SLC25A48: variants seen among roughly 807,000 people sequenced by gnomAD.
SLC25A48 encodes CTC-321K16.1.
A neutral mutation model predicts 32.2 loss-of-function variants in SLC25A48; 29 were observed. That is an observed-to-expected ratio of 0.90 (90% CI 0.67 to 1.23). SLC25A48 has a LOEUF of 1.23. Ranked by LOEUF, SLC25A48 falls within the 50% of genes most tolerant of loss-of-function variation. The pLI, the probability that SLC25A48 is intolerant of heterozygous loss-of-function variation, is 0.00. For synonymous variants in SLC25A48, 164 were observed against 172.3 expected, an observed-to-expected ratio of 0.95 and a Z score of 0.38; for missense variants, 399 against 422.7, an observed-to-expected ratio of 0.94 and a Z score of 0.49.
At chr5:135,809,346 G>A (rs2126649808) in intron 3 of SLC25A48, among the ~76,000 whole-genome samples, 1 of 152,194 alleles carries the variant, frequency 6.6e-6, no homozygotes, top group East Asian at 1.9e-4. Context: ...AACTTTTCTG[G>A]AATGAGAAAG....
chr5:135,585,765 G>A (rs939817779), intron 1 of SLC25A48, among the ~76,000 whole-genome samples: 6 of 151,248 alleles, frequency 4.0e-5, no homozygotes, highest in Admixed American at 3.3e-4. Flanking sequence ...GTAAAAAGAA[G>A]ATAATAATAA....
At chr5:135,748,079 G>C (rs1041164307) in intron 3 of SLC25A48, among the ~76,000 whole-genome samples, 1 of 152,162 alleles carries the variant, frequency 6.6e-6, no homozygotes, top group Non-Finnish European at 1.5e-5. Flanking sequence ...AGAGTGATGG[G>C]CCATCAGCAA....
chr5:135,747,030 A>G (rs567348863), intron 3 of SLC25A48, among the ~76,000 whole-genome samples: 6 of 150,944 alleles, frequency 4.0e-5, no homozygotes, highest in African/African-American at 7.3e-5. Flanking sequence ...ACACTTGGAT[A>G]ATGTCAATTT....
chr5:135,818,405 C>T (rs1757792671), intron 4 of SLC25A48, among the ~76,000 whole-genome samples: 1 of 152,088 alleles, frequency 6.6e-6, no homozygotes, highest in African/African-American at 2.4e-5. Flanking sequence ...AATAGAAAAG[C>T]CTTCAGAAAG....
chr5:135,751,643 G>A (rs1580841278), intron 3 of SLC25A48, among the ~76,000 whole-genome samples: 1 of 152,080 alleles, frequency 6.6e-6, no homozygotes, highest in Admixed American at 6.6e-5. Context: ...AGAACAGCCT[G>A]GGCAACATAG....
Position 135,852,783 on chromosome 5 carries a change from A to G in SLC25A48, c.383A>G (p.Lys128Arg), listed in dbSNP as rs1760003306. The G allele has an allele frequency of 1.2e-6, 2 of 1,613,430 alleles. No homozygotes were observed. Among genetic ancestry groups the G allele is most frequent in the Non-Finnish European group, 1.7e-6 (2 of 1,179,410 alleles). The change falls in exon 4 of 8, where the codon AAG becomes AGG. Residue 128 changes from lysine to arginine, a missense_variant. Coordinates refer to ENST00000681962, the MANE Select transcript of SLC25A48 (RefSeq NM_001349336.2). Reference sequence around the variant, plus strand: ...CTGGGAGGGCCCGTGGACCTCATCAAGATCCGGTTGCAGATGCAGACACAA... The same window carrying G: ...CTGGGAGGGCCCGTGGACCTCATCAGGATCCGGTTGCAGATGCAGACACAA... ...VGLGGPVDLI[K>R]IRLQMQTQPF...
chr5:135,774,180 T>C (rs1756489843), intron 3 of SLC25A48, among the ~76,000 whole-genome samples: 1 of 151,754 alleles, frequency 6.6e-6, no homozygotes, highest in South Asian at 2.1e-4. Flanking sequence ...GATAATAAAA[T>C]TACTCCAAAT....
chr5:135,841,416 G>C (rs1758974986), intron 1 of SLC25A48, among the ~76,000 whole-genome samples: 1 of 152,042 alleles, frequency 6.6e-6, no homozygotes, highest in Non-Finnish European at 1.5e-5. Context: ...TGTTGTGTAG[G>C]GGAGTTAGAG....
At chr5:135,777,785 G>A (rs71587591) in intron 3 of SLC25A48, among the ~76,000 whole-genome samples, 7 of 10,432 alleles carry the variant, frequency 6.7e-4, no homozygotes, top group South Asian at 3.4e-3. Flanking sequence ...CCTAATATCC[G>A]GGGGGGGGGG....
chr5:135,640,929 T>C (rs1752820284), intron 3 of SLC25A48, among the ~76,000 whole-genome samples: 1 of 152,132 alleles, frequency 6.6e-6, no homozygotes, highest in Admixed American at 6.5e-5. Context: ...TCCCCTAAGA[T>C]CAGGAATAAG....
intron 6 of SLC25A48, among the ~76,000 whole-genome samples, chr5:135,876,641 G>A (rs999672609): frequency 3.9e-5 from 6 of 152,088 alleles, no homozygotes; most frequent in Admixed American, 2.0e-4. Flanking sequence ...GGCAATTACC[G>A]TAAAGTTTCT....
intron 1 of SLC25A48, among the ~76,000 whole-genome samples, chr5:135,628,366 C>A (rs560387416): frequency 6.6e-6 from 1 of 152,284 alleles, no homozygotes; most frequent in African/African-American, 2.4e-5. Flanking sequence ...TAGGCAAATG[C>A]AGAATATCTT....
At chr5:135,838,455 G>T (rs942542772) in intron 1 of SLC25A48, among the ~76,000 whole-genome samples, 8 of 152,230 alleles carry the variant, frequency 5.3e-5, no homozygotes, top group African/African-American at 1.7e-4. Flanking sequence ...ATTTGCATAA[G>T]TAACAAGGAG....
chr5:135,706,791 T>C (rs571298820), intron 3 of SLC25A48, among the ~76,000 whole-genome samples: 1 of 152,334 alleles, frequency 6.6e-6, no homozygotes, highest in South Asian at 2.1e-4. Flanking sequence ...TGGGTCTGCA[T>C]GACAGGCAGG....
intron 3 of SLC25A48, among the ~76,000 whole-genome samples, chr5:135,766,934 G>A (rs1756248076): frequency 6.6e-6 from 1 of 151,470 alleles, no homozygotes; most frequent in Admixed American, 6.6e-5. Flanking sequence ...ATATCCAGGT[G>A]GTGAGAGGGT....
At chr5:135,871,025 C>T (rs185499024) in intron 4 of SLC25A48, among the ~76,000 whole-genome samples, 29 of 150,210 alleles carry the variant, frequency 1.9e-4, no homozygotes, top group African/African-American at 7.1e-4. Flanking sequence ...ATACATTTTG[C>T]TCCGCCACAC....
chr5:135,807,392 A>T (rs1431953158), intron 3 of SLC25A48, among the ~76,000 whole-genome samples: 1 of 150,728 alleles, frequency 6.6e-6, no homozygotes, highest in Non-Finnish European at 1.5e-5. Flanking sequence ...TTAAAATATT[A>T]TGGATATTTC....
chr5:135,735,393 G>A (rs973642077), intron 3 of SLC25A48, among the ~76,000 whole-genome samples: 2 of 152,176 alleles, frequency 1.3e-5, no homozygotes, highest in Non-Finnish European at 2.9e-5. Flanking sequence ...TGCATATTTA[G>A]AATGAGACAG....
chr5:135,646,082 T>C lies in SLC25A48; in HGVS notation c.-521+11126T>C, dbSNP rs141657250. On this transcript the variant is annotated intron_variant, in intron 3 of 10. Coordinates refer to the SLC25A48 transcript ENST00000646290. Reference sequence around the variant, plus strand: ...TTTTGAATCTTGAAAAAAAATCTTATAAATAGAAGGAAGAAAGAATTTTCC... The same window carrying C: ...TTTTGAATCTTGAAAAAAAATCTTACAAATAGAAGGAAGAAAGAATTTTCC... Among the ~76,000 whole-genome samples, 252 of 152,228 alleles carry C rather than the reference T, an allele frequency of 1.7e-3. 1 individual carries two copies. Among genetic ancestry groups the C allele is most frequent in the African/African-American group, 5.8e-3 (241 of 41,536 alleles).
Sources: allele counts gnomAD v4.1 joint callset (sites outside exome capture counted in the v4.1 genomes callset), GRCh38; gene constraint gnomAD v4.1.1; transcripts MANE v1.5; gene names NCBI Gene and HGNC (gene_info 2026-07-23, HGNC 2026-07-21).